The following GRID2 variants were observed in gnomAD, a reference collection of about 807,000 sequenced individuals.
GRID2 encodes glutamate ionotropic receptor delta type subunit 2, also known as glutamate receptor ionotropic, delta-2.
In GRID2, 33 loss-of-function variants were observed where a neutral mutation model predicts 114.8. The observed-to-expected ratio is 0.29, with a 90% CI of 0.22 to 0.38. The LOEUF is 0.38. Among genes scored for constraint, GRID2 ranks in the 10% least tolerant of loss-of-function variants. GRID2 has a pLI of 1.00. For missense variants in GRID2, 1,184 were observed against 1,257.7 expected (o/e 0.94, Z 0.89); for synonymous variants, 505 against 449.9 (o/e 1.12, Z -1.55).
At chr4:93,460,581 T>C (rs1194585240) in intron 11 of GRID2, among the ~76,000 whole-genome samples, 28 of 152,174 alleles carry the variant, frequency 1.8e-4, no homozygotes, top group Admixed American at 1.8e-3. Flanking sequence ...GTGTAATTCC[T>C]TTTTTTAAAC....
chr4:93,006,352 A>T (rs946986274), intron 2 of GRID2, among the ~76,000 whole-genome samples: 4 of 152,088 alleles, frequency 2.6e-5, no homozygotes, highest in African/African-American at 9.7e-5. Context: ...GAGTGGATAA[A>T]ATCAGACCCA....
chr4:93,153,308 A>G (rs190140522), intron 4 of GRID2, among the ~76,000 whole-genome samples: 4 of 152,214 alleles, frequency 2.6e-5, no homozygotes, highest in Non-Finnish European at 1.5e-5. Context: ...CACCCTGGCC[A>G]AAGTCAAATG....
At chr4:92,672,165 G>GTGTC (rs1733106412) in intron 2 of GRID2, among the ~76,000 whole-genome samples, 1 of 152,054 alleles carries the variant, frequency 6.6e-6, no homozygotes, top group African/African-American at 2.4e-5. Flanking sequence ...ATATTTCCAT[G>GTGTC]TGTCCATCAC....
chr4:93,544,800 G>GA (rs536091453), intron 13 of GRID2, among the ~76,000 whole-genome samples: 12 of 148,600 alleles, frequency 8.1e-5, no homozygotes, highest in East Asian at 2.0e-4. Context: ...AAGAAAAAAA[G>GA]AAAAAAAAAG....
chr4:93,632,408 G>A (rs1004195621), intron 14 of GRID2, among the ~76,000 whole-genome samples: 11 of 152,196 alleles, frequency 7.2e-5, no homozygotes, highest in Non-Finnish European at 1.3e-4. Context: ...GTGTAAGGAA[G>A]GGATCCAGTT....
At chr4:93,210,155 T>C (rs188508581) in intron 5 of GRID2, among the ~76,000 whole-genome samples, 70 of 152,074 alleles carry the variant, frequency 4.6e-4, no homozygotes, top group African/African-American at 1.7e-3. Flanking sequence ...TTGTCATCTT[T>C]GTCATGAAAT....
intron 2 of GRID2, among the ~76,000 whole-genome samples, chr4:92,717,193 G>A (rs1735592812): frequency 6.6e-6 from 1 of 152,114 alleles, no homozygotes; most frequent in South Asian, 2.1e-4. Context: ...ACTTGAAAAT[G>A]CCCTGAGAAA....
At chr4:93,107,339 A>G (rs549552049) in intron 3 of GRID2, among the ~76,000 whole-genome samples, 1 of 152,160 alleles carries the variant, frequency 6.6e-6, no homozygotes, top group Admixed American at 6.6e-5. Context: ...TTTACAGTTG[A>G]GGAGAAATTT....
chr4:92,722,037 T>C (rs1208810858), intron 2 of GRID2, among the ~76,000 whole-genome samples: 1 of 152,110 alleles, frequency 6.6e-6, no homozygotes, highest in Non-Finnish European at 1.5e-5. Context: ...GAATGAAAGG[T>C]GGTAGCCTGA....
intron 8 of GRID2, among the ~76,000 whole-genome samples, chr4:93,322,275 C>A (rs1757312997): frequency 6.6e-6 from 1 of 152,022 alleles, no homozygotes; most frequent in South Asian, 2.1e-4. Context: ...GAATTCCCAC[C>A]TATGAGTGAG....
chr4:93,625,281 C>T (rs1214586550), intron 13 of GRID2, among the ~76,000 whole-genome samples: 2 of 152,128 alleles, frequency 1.3e-5, no homozygotes, highest in African/African-American at 4.8e-5. Flanking sequence ...AGGGGCAGTC[C>T]CAGTCACATG....
Position 92,768,513 on chromosome 4 carries a change from G to C in GRID2, c.244+178227G>C, listed in dbSNP as rs953069800. 5.3e-5 allele frequency among the ~76,000 whole-genome samples: 8 copies of C among 152,222 alleles called. No homozygotes were observed. The East Asian group carries it at 1.4e-3, about 26-fold the overall frequency. On this transcript the variant is annotated intron_variant, in intron 2 of 15. Coordinates refer to ENST00000282020, the MANE Select transcript of GRID2 (RefSeq NM_001510.4). The stretch of plus-strand genomic sequence containing the variant: ...TCTGAAAGACTTTTTCAATCTAGCA[G>C]CAAATTAGTTATAGCAGTGGGCATT...
Position 93,508,321 on chromosome 4 carries a change from C to T in GRID2, c.1998-6895C>T, listed in dbSNP as rs558982656. Among the ~76,000 whole-genome samples, 13 of 151,484 alleles carry T rather than the reference C, an allele frequency of 8.6e-5. No individual in the cohort carries two copies. The South Asian group carries it at 1.5e-3, about 17-fold the overall frequency. On this transcript the variant is annotated intron_variant, in intron 12 of 15. Coordinates refer to ENST00000282020, the MANE Select transcript of GRID2 (RefSeq NM_001510.4). Reference sequence around the variant, plus strand: ...AAGCGATTCTCCTGCCTCAGCCTCCCGAGTAGTTGGGACTGCAGGCACCCA... The same window carrying T: ...AAGCGATTCTCCTGCCTCAGCCTCCTGAGTAGTTGGGACTGCAGGCACCCA...
intron 9 of GRID2, among the ~76,000 whole-genome samples, chr4:93,399,309 A>G (rs1162249616): frequency 6.6e-6 from 1 of 152,094 alleles, no homozygotes; most frequent in Non-Finnish European, 1.5e-5. Context: ...CCAGGTTAAT[A>G]AAATGGATTT....
At chr4:93,208,051 A>T (rs1388018627) in intron 5 of GRID2, among the ~76,000 whole-genome samples, 3 of 151,984 alleles carry the variant, frequency 2.0e-5, no homozygotes, top group Non-Finnish European at 4.4e-5. Flanking sequence ...AGGACCTGCC[A>T]GTCAGAAATG....
In GRID2 at chr4:93,029,042, T is replaced by C. The variant is rs562776060; in HGVS notation, c.245-55953T>C. Among the ~76,000 whole-genome samples the C allele has an allele frequency of 5.9e-5, 9 of 152,170 alleles. 1 individual carries two copies. In the East Asian group the frequency reaches 1.2e-3, roughly 20 times the overall value. ...ATTTCTTACAATTTTAGATTAACAT[T>C]ATGTTATTAATCTTCATAAATATCA... On this transcript the variant is annotated intron_variant, in intron 2 of 15. Coordinates refer to ENST00000282020, the MANE Select transcript of GRID2 (RefSeq NM_001510.4).
intron 1 of GRID2, among the ~76,000 whole-genome samples, chr4:92,564,713 G>C (rs949123435): frequency 6.6e-6 from 1 of 152,032 alleles, no homozygotes. Flanking sequence ...AAATGTTTCA[G>C]TTAAAGGGGG....
At chr4:93,358,150 G>A (rs1227484729) in intron 8 of GRID2, among the ~76,000 whole-genome samples, 1 of 151,732 alleles carries the variant, frequency 6.6e-6, no homozygotes, top group Admixed American at 6.6e-5. Context: ...TTTAGAAAGA[G>A]GACACTAACC....
intron 1 of GRID2, among the ~76,000 whole-genome samples, chr4:92,570,211 G>C (rs1238427311): frequency 6.6e-6 from 1 of 152,004 alleles, no homozygotes; most frequent in East Asian, 1.9e-4. Flanking sequence ...TTATTGAACA[G>C]GGTATCTTTT....
Sources: gnomAD v4.1 joint callset for allele counts (sites outside exome capture counted in the v4.1 genomes callset) on GRCh38, gnomAD v4.1.1 for gene constraint, MANE v1.5 for transcripts, NCBI Gene and HGNC (gene_info 2026-07-23, HGNC 2026-07-21) for gene names.